LRBA: variants seen among roughly 807,000 people sequenced by gnomAD.
LRBA encodes the protein lipopolysaccharide-responsive and beige-like anchor protein.
A neutral mutation model predicts 330.0 loss-of-function variants in LRBA; 176 were observed. The ratio of observed to expected loss-of-function variants is 0.53; its 90% CI spans 0.47 to 0.60. The LOEUF (loss-of-function observed/expected upper bound fraction) is 0.60, where lower values mean the gene tolerates loss of function less well. LRBA is among the 20% of genes least tolerant of loss of function. LRBA has a pLI of 0.00. For missense variants in LRBA, 3,259 were observed against 3,444.8 expected (o/e 0.95, Z 1.35); for synonymous variants, 1,230 against 1,193.0 (o/e 1.03, Z -0.64).
At chr4:150,529,708 C>T (rs1334281110) in intron 40 of LRBA, among the ~76,000 whole-genome samples, 2 of 146,738 alleles carry the variant, frequency 1.4e-5, no homozygotes, top group Non-Finnish European at 3.0e-5. Flanking sequence ...GGCTACAGAG[C>T]GAGACTCCAT....
intron 2 of LRBA, among the ~76,000 whole-genome samples, chr4:151,006,485 C>T (rs867538339): frequency 2.6e-5 from 4 of 151,802 alleles, no homozygotes; most frequent in Non-Finnish European, 5.9e-5. Context: ...AAATAAAATA[C>T]CTTATTGTAC....
chr4:150,766,964 T>G (rs926907633), intron 34 of LRBA, among the ~76,000 whole-genome samples: 2 of 152,154 alleles, frequency 1.3e-5, no homozygotes, highest in Non-Finnish European at 2.9e-5. Flanking sequence ...TACTAAAATA[T>G]ACTCTTAGCT....
intron 34 of LRBA, among the ~76,000 whole-genome samples, chr4:150,766,314 A>G (rs1735756986): frequency 6.6e-6 from 1 of 152,236 alleles, no homozygotes; most frequent in African/African-American, 2.4e-5. Flanking sequence ...ACTAATTATT[A>G]CCATTTAATA....
At chr4:150,393,294 A>C (rs1447471112) in intron 47 of LRBA, among the ~76,000 whole-genome samples, 1 of 151,836 alleles carries the variant, frequency 6.6e-6, no homozygotes, top group Non-Finnish European at 1.5e-5. Flanking sequence ...TGAATGAAAC[A>C]CTGGACTTTC....
chr4:150,908,558 T>C, intron 10 of LRBA, 91 bp from the exon 11 acceptor site: 1 of 1,443,082 alleles, frequency 6.9e-7, no homozygotes, highest in Non-Finnish European at 9.5e-7. Flanking sequence ...AGAAACACTA[T>C]AAACGTGACA....
At chr4:150,340,856 C>T (rs961060112) in intron 48 of LRBA, among the ~76,000 whole-genome samples, 21 of 152,162 alleles carry the variant, frequency 1.4e-4, no homozygotes, top group Non-Finnish European at 2.5e-4. Context: ...TGACAGGACA[C>T]ATCGATGAGG....
chr4:150,532,077 C>T (rs1764109324), intron 40 of LRBA, among the ~76,000 whole-genome samples: 2 of 152,152 alleles, frequency 1.3e-5, no homozygotes, highest in Admixed American at 6.5e-5. Context: ...TCTTACAGAT[C>T]GTATAGAGGA....
At chr4:150,649,276 A>C (rs183898554) in intron 37 of LRBA, among the ~76,000 whole-genome samples, 58 of 152,286 alleles carry the variant, frequency 3.8e-4, no homozygotes, top group African/African-American at 1.4e-3. Context: ...AACAGACCAA[A>C]TATCTTGGCC....
At chr4:150,926,231 A>G (rs1733866142) in intron 4 of LRBA, among the ~76,000 whole-genome samples, 1 of 152,214 alleles carries the variant, frequency 6.6e-6, no homozygotes, top group African/African-American at 2.4e-5. Flanking sequence ...AAGAGCTTTA[A>G]GTTAAAGAAT....
At chr4:150,489,448 T>A (rs1308792508) in intron 41 of LRBA, among the ~76,000 whole-genome samples, 1 of 43,154 alleles carries the variant, frequency 2.3e-5, no homozygotes, top group African/African-American at 6.0e-5. Flanking sequence ...ATATAATATA[T>A]TATATATAAG....
chr4:150,480,576 A>G (rs181072397), intron 42 of LRBA, among the ~76,000 whole-genome samples: 29 of 152,204 alleles, frequency 1.9e-4, no homozygotes, highest in African/African-American at 6.7e-4. Context: ...TGTAATAAAC[A>G]CTTTTTTAAA....
At chr4:150,879,128 A>G (rs1252549444) in intron 17 of LRBA, among the ~76,000 whole-genome samples, 1 of 152,164 alleles carries the variant, frequency 6.6e-6, no homozygotes, top group African/African-American at 2.4e-5. Flanking sequence ...CCAACAAAAT[A>G]CTAGCAAACC....
intron 40 of LRBA, among the ~76,000 whole-genome samples, chr4:150,499,062 A>C (rs145486488): frequency 6.6e-6 from 1 of 152,196 alleles, no homozygotes; most frequent in Non-Finnish European, 1.5e-5. Flanking sequence ...AAAAAGGCTA[A>C]GAAAGCCATT....
intron 47 of LRBA, among the ~76,000 whole-genome samples, chr4:150,377,858 G>T (rs1010407655): frequency 6.6e-6 from 1 of 151,282 alleles, no homozygotes; most frequent in Non-Finnish European, 1.5e-5. Context: ...ATGGTGGTAG[G>T]CACCTGTAAT....
intron 31 of LRBA, among the ~76,000 whole-genome samples, chr4:150,816,500 G>A (rs1290484375): frequency 1.3e-5 from 2 of 151,718 alleles, no homozygotes; most frequent in Admixed American, 1.3e-4. Context: ...TTTATACATG[G>A]AAATAATTTT....
chr4:150,322,819 A>G (rs1182330672), intron 49 of LRBA, among the ~76,000 whole-genome samples: 1 of 152,164 alleles, frequency 6.6e-6, no homozygotes, highest in Non-Finnish European at 1.5e-5. Flanking sequence ...TGTGGCCTCA[A>G]TTAAGTCCAA....
At position 150,632,202 on chromosome 4, in the gene LRBA, G is replaced by A. The variant is rs143682924; in HGVS notation, c.5922-33071C>T. ...GCAGAGATCATGCCATTGCACTCCAGCCTGGGAGACAGAGTGAGACTCTGT... is the reference window on the plus strand; with the variant it reads ...GCAGAGATCATGCCATTGCACTCCAACCTGGGAGACAGAGTGAGACTCTGT... On this transcript the variant is annotated intron_variant, in intron 37 of 56. Transcript: ENST00000651943. Among the ~76,000 whole-genome samples, 1,230 of 146,548 alleles carry A rather than the reference G, an allele frequency of 8.4e-3. 13 individuals carry two copies. Among genetic ancestry groups the A allele is most frequent in the African/African-American group, 0.03 (1,165 of 39,370 alleles).
chr4:150,873,537 C>A (rs1753671538), intron 17 of LRBA, among the ~76,000 whole-genome samples: 1 of 151,866 alleles, frequency 6.6e-6, no homozygotes, highest in Non-Finnish European at 1.5e-5. Flanking sequence ...TTGCAGGGAG[C>A]CGAGATCATG....
chr4:150,739,957 T>C (rs1466471379), intron 35 of LRBA, among the ~76,000 whole-genome samples: 1 of 152,198 alleles, frequency 6.6e-6, no homozygotes, highest in Non-Finnish European at 1.5e-5. Context: ...AGCTAAGCCA[T>C]GCCTAGGATT....
Sources: allele counts gnomAD v4.1 joint callset (sites outside exome capture counted in the v4.1 genomes callset), GRCh38; gene constraint gnomAD v4.1.1; transcripts MANE v1.5; gene names NCBI Gene and HGNC (gene_info 2026-07-23, HGNC 2026-07-21).